PIWIL3: variants seen among roughly 807,000 people sequenced by gnomAD.
The protein encoded by PIWIL3 is piwi-like protein 3.
In PIWIL3, 101 loss-of-function variants were observed where a neutral mutation model predicts 109.7. That is an observed-to-expected ratio of 0.92 (90% CI 0.78 to 1.09). The LOEUF (loss-of-function observed/expected upper bound fraction) is 1.09, where lower values mean the gene tolerates loss of function less well. Ranked by LOEUF, PIWIL3 falls within the 50% of genes least tolerant of loss-of-function variation. PIWIL3 has a pLI of 0.00. For synonymous variants in PIWIL3, 373 were observed against 376.4 expected, an observed-to-expected ratio of 0.99 and a Z score of 0.10; for missense variants, 1,031 against 1,072.6, an observed-to-expected ratio of 0.96 and a Z score of 0.54.
At chr22:24,759,378 T>C (rs1341561232) in intron 3 of PIWIL3, among the ~76,000 whole-genome samples, 2 of 152,336 alleles carry the variant, frequency 1.3e-5, no homozygotes, top group East Asian at 1.9e-4. Flanking sequence ...TATTTTGCTA[T>C]AGAAAGCAAA....
intron 16 of PIWIL3, among the ~76,000 whole-genome samples, chr22:24,727,414 T>C (rs1923061471): frequency 6.6e-6 from 1 of 152,194 alleles, no homozygotes; most frequent in Non-Finnish European, 1.5e-5. Context: ...CAATGTGCTA[T>C]GGCTGGTTGG....
intron 9 of PIWIL3, among the ~76,000 whole-genome samples, chr22:24,750,271 G>A (rs1391733798): frequency 2.0e-5 from 3 of 152,060 alleles, no homozygotes; most frequent in African/African-American, 2.4e-5. Context: ...AGGTTCACCC[G>A]TTAGGCCCTT....
chr22:24,724,524 TC>T (rs1222144777), intron 18 of PIWIL3, among the ~76,000 whole-genome samples: 1 of 151,552 alleles, frequency 6.6e-6, no homozygotes, highest in African/African-American at 2.4e-5. Flanking sequence ...AACCTCTGCC[TC>T]CCGGGTTCAA....
chr22:24,747,221 T>C (rs940616050), intron 12 of PIWIL3, among the ~76,000 whole-genome samples: 6 of 151,940 alleles, frequency 3.9e-5, no homozygotes, highest in Admixed American at 6.6e-5. Flanking sequence ...AGAACATACA[T>C]TGGGGAAAGG....
chr22:24,758,343 T>A (rs114268064), intron 3 of PIWIL3, among the ~76,000 whole-genome samples: 16 of 152,254 alleles, frequency 1.1e-4, no homozygotes, highest in African/African-American at 3.9e-4. Context: ...TTTAAGCCTA[T>A]CTCCTGGCGC....
At chr22:24,745,999 C>T (rs937584778) in intron 12 of PIWIL3, among the ~76,000 whole-genome samples, 2 of 152,096 alleles carry the variant, frequency 1.3e-5, no homozygotes, top group South Asian at 2.1e-4. Context: ...AGGACCTGAT[C>T]GCTTCACTGC....
chr22:24,751,259 A>G, intron 9 of PIWIL3, 128 bp downstream of exon 9: 1 of 941,296 alleles, frequency 1.1e-6, no homozygotes, highest in Non-Finnish European at 1.6e-6. Flanking sequence ...AGATAAGTCA[A>G]GCTATAATCC....
At chr22:24,746,811 A>G (rs1227044613) in intron 12 of PIWIL3, among the ~76,000 whole-genome samples, 1 of 152,116 alleles carries the variant, frequency 6.6e-6, no homozygotes, top group Non-Finnish European at 1.5e-5. Context: ...AGATCCCTAC[A>G]ATGAAAACTA....
At chr22:24,768,255 G>GTT (rs140615218) in intron 1 of PIWIL3, among the ~76,000 whole-genome samples, 299 of 147,652 alleles carry the variant, frequency 2.0e-3, no homozygotes, top group African/African-American at 7.3e-3. Flanking sequence ...TGTTTTTTGT[G>GTT]TTTTTTTTTT....
chr22:24,748,833 A>C (rs1924525775), intron 12 of PIWIL3, 74 bp downstream of exon 12: 1 of 1,164,014 alleles, frequency 8.6e-7, no homozygotes. Context: ...CATTACTGAG[A>C]CTCAAGTTAG....
chr22:24,746,197 C>T (rs1370898384), intron 12 of PIWIL3, among the ~76,000 whole-genome samples: 1 of 152,000 alleles, frequency 6.6e-6, no homozygotes, highest in South Asian at 2.1e-4. Flanking sequence ...AACAAAATAC[C>T]AGCAAACAAT....
At chr22:24,750,607 G>GC (rs1924651280) in intron 9 of PIWIL3, among the ~76,000 whole-genome samples, 1 of 148,806 alleles carries the variant, frequency 6.7e-6, no homozygotes, top group East Asian at 2.0e-4. Flanking sequence ...TCCTGCTTCA[G>GC]CCTCCTGAGT....
At chr22:24,734,820 CTT>C (rs34841642) in intron 13 of PIWIL3, among the ~76,000 whole-genome samples, 32 of 135,020 alleles carry the variant, frequency 2.4e-4, no homozygotes, top group Admixed American at 4.6e-4. Flanking sequence ...CAGAACATAA[CTT>C]TTTTTTTTTT....
chr22:24,738,093 G>T (rs1923771037), intron 12 of PIWIL3, among the ~76,000 whole-genome samples: 1 of 152,172 alleles, frequency 6.6e-6, no homozygotes, highest in Admixed American at 6.5e-5. Flanking sequence ...GGAGGTTGCA[G>T]TGAGCCAAGA....
At chr22:24,758,900 T>A (rs1008860724) in intron 3 of PIWIL3, among the ~76,000 whole-genome samples, 1 of 150,938 alleles carries the variant, frequency 6.6e-6, no homozygotes, top group Non-Finnish European at 1.5e-5. Context: ...ACAAACCACA[T>A]ACTTTTATCT....
chr22:24,719,427 T>C lies in PIWIL3; in HGVS notation c.*45A>G. 7.2e-7 allele frequency: 1 copy of C among 1,385,090 alleles called. No individual in the cohort carries two copies. The highest frequency in any genetic ancestry group is 1.4e-5 in the South Asian group (1 of 72,478). The allele number at this position is 1,385,090 out of a possible 1,614,324, so 85.8% of individuals were successfully genotyped here. On this transcript the variant is annotated 3_prime_UTR_variant, in exon 21 of 21. Transcript: ENST00000616349. Reference sequence around the variant, plus strand: ...ATCCTGCTTCAAAAGGAAGACAGGCTTACACGTTGTGGTTTCATTAGCACA... The same window carrying C: ...ATCCTGCTTCAAAAGGAAGACAGGCCTACACGTTGTGGTTTCATTAGCACA...
chr22:24,733,876 G>A lies in PIWIL3; in HGVS notation c.1707+208C>T, dbSNP rs150545621. Among the ~76,000 whole-genome samples the A allele has an allele frequency of 1.6e-3, 251 of 152,266 alleles. 5 individuals carry two copies. In the South Asian group the frequency reaches 0.047, roughly 28 times the overall value. Reference sequence around the variant, plus strand: ...GTTAGGAGATTTTAAAAGTAATTACGAGTCTCCAAGTCTGAGAAAATTAGC... The same window carrying A: ...GTTAGGAGATTTTAAAAGTAATTACAAGTCTCCAAGTCTGAGAAAATTAGC... On this transcript the variant is annotated intron_variant, in intron 14 of 20. Transcript: ENST00000616349.
chr22:24,740,555 AAAAAAAG>A (rs1202321409), intron 12 of PIWIL3, among the ~76,000 whole-genome samples: 1 of 151,366 alleles, frequency 6.6e-6, no homozygotes, highest in East Asian at 1.9e-4. Flanking sequence ...CTCAAAAAAA[AAAAAAAG>A]AAAGAAACTG....
At chr22:24,741,161 CATGGTTAT>C (rs1367916515) in intron 12 of PIWIL3, among the ~76,000 whole-genome samples, 16 of 152,192 alleles carry the variant, frequency 1.1e-4, no homozygotes, top group South Asian at 2.1e-4. Context: ...ACAAAAATCA[CATGGTTAT>C]CTCAATAGAT....
Sources: allele counts gnomAD v4.1 joint callset (sites outside exome capture counted in the v4.1 genomes callset), GRCh38; gene constraint gnomAD v4.1.1; transcripts MANE v1.5; gene names NCBI Gene and HGNC (gene_info 2026-07-23, HGNC 2026-07-21).